Variants in NFRKB observed in about 807,000 individuals in gnomAD.
NFRKB encodes nuclear factor related to kappa-B-binding protein.
A neutral mutation model predicts 135.7 loss-of-function variants in NFRKB; 62 were observed. The ratio of observed to expected loss-of-function variants is 0.46; its 90% CI spans 0.37 to 0.56. The LOEUF is 0.56. Ranked by LOEUF, NFRKB falls within the 20% of genes least tolerant of loss-of-function variation. NFRKB has a pLI of 0.00. For missense variants in NFRKB, 1,545 were observed against 1,662.0 expected (o/e 0.93, Z 1.22); for synonymous variants, 678 against 635.6 (o/e 1.07, Z -1.00).
intron 15 of NFRKB, among the ~76,000 whole-genome samples, chr11:129,877,818 G>A (rs570335754): frequency 1.3e-5 from 2 of 152,274 alleles, no homozygotes; most frequent in South Asian, 4.1e-4. Context: ...GCCACACTTA[G>A]ACCGGGCCTC....
intron 18 of NFRKB, 131 bp from the exon 19 acceptor site, chr11:129,875,047 A>G (rs1948695804): frequency 8.7e-7 from 1 of 1,154,914 alleles, no homozygotes; most frequent in Non-Finnish European, 1.2e-6. Flanking sequence ...CTAGCTGCGT[A>G]TTCCCAATAG....
chr11:129,866,525 G>T (rs980815289), intron 24 of NFRKB, among the ~76,000 whole-genome samples: 1 of 151,068 alleles, frequency 6.6e-6, no homozygotes, highest in Non-Finnish European at 1.5e-5. Flanking sequence ...CATGCTCTCC[G>T]GTGCTTTCCA....
intron 23 of NFRKB, among the ~76,000 whole-genome samples, chr11:129,870,572 A>G (rs1438274296): frequency 1.3e-5 from 2 of 152,108 alleles, no homozygotes; most frequent in Admixed American, 6.5e-5. Flanking sequence ...TCAATAACCT[A>G]GAAAAGGACT....
chr11:129,877,517 C>T (rs1453651268), intron 15 of NFRKB, 132 bp from the exon 16 acceptor site: 4 of 821,026 alleles, frequency 4.9e-6, no homozygotes, highest in African/African-American at 3.4e-5. Flanking sequence ...CTTACAAAGG[C>T]GAAGAGCCCA....
rs143966954 is a variant in NFRKB at position 129,884,576 on chromosome 11, T to TA, written c.742+168dup. 5.7e-3 allele frequency among the ~76,000 whole-genome samples: 860 copies of TA among 152,100 alleles called. 12 individuals are homozygous for TA. The highest frequency in any genetic ancestry group is 0.02 in the African/African-American group (824 of 41,480). On this transcript the variant is annotated intron_variant, in intron 7 of 26. Transcript: ENST00000682444. Reference sequence around the variant, plus strand: ...AAAAAGGCAGGCCTATCTCCAGATGTAAAAAAAAGTAAAATGGTACAAAAA... The same window carrying TA: ...AAAAAGGCAGGCCTATCTCCAGATGTAAAAAAAAAGTAAAATGGTACAAAAA...
intron 13 of NFRKB, among the ~76,000 whole-genome samples, chr11:129,879,293 T>C (rs768249847): frequency 3.3e-5 from 5 of 152,184 alleles, no homozygotes; most frequent in Non-Finnish European, 5.9e-5. Context: ...CAGAGTAGCT[T>C]CAACTAAAGC....
intron 4 of NFRKB, among the ~76,000 whole-genome samples, chr11:129,886,920 T>C (rs1249769342): frequency 6.6e-6 from 1 of 152,232 alleles, no homozygotes; most frequent in Non-Finnish European, 1.5e-5. Context: ...AACAGATCTC[T>C]GCCAACCATA....
intron 6 of NFRKB, 61 bp from the exon 7 acceptor site, chr11:129,884,907 G>A (rs764480693): frequency 7.4e-6 from 12 of 1,612,124 alleles, no homozygotes; most frequent in Non-Finnish European, 1.0e-5. Flanking sequence ...AGGGGAGATT[G>A]GGTAAGTGGC....
chr11:129,882,019 A>G, intron 11 of NFRKB, 67 bp downstream of exon 11: 1 of 1,479,494 alleles, frequency 6.8e-7, no homozygotes, highest in Non-Finnish European at 9.1e-7. Flanking sequence ...TTCTCAAGCT[A>G]TAGACCATTC....
intron 10 of NFRKB, 70 bp downstream of exon 10, chr11:129,882,381 A>G (rs990098470): frequency 6.5e-7 from 1 of 1,530,766 alleles, no homozygotes; most frequent in African/African-American, 1.4e-5. Context: ...GACAAGCCCT[A>G]GGGGCCAGGG....
chr11:129,873,243 T>A, intron 22 of NFRKB, 147 bp from the exon 23 acceptor site: 1 of 643,342 alleles, frequency 1.6e-6, no homozygotes, highest in Non-Finnish European at 2.6e-6. Flanking sequence ...CTCTCTAAAA[T>A]GGACACTGTA....
Position 129,872,982 on chromosome 11 carries a change from C to G in NFRKB, c.2665G>C (p.Val889Leu). ...GGAGAACTCGTGGCTGGCTTACTCA[C>G]AGGGCTGGCTGTGGCAGGGAGACTT... is the stretch of plus-strand genomic sequence containing the variant. ...VTSLPATASP[V>L]SKPATSSPGT... Residue 889 changes from valine (V) to leucine (L), a missense_variant, in exon 23 of 27, where the codon GTG (valine) becomes CTG (leucine). This residue lies in a region of NFRKB where 753 missense variants were observed against 804.3 expected (regional missense o/e 0.94). Coordinates refer to ENST00000682444, the MANE Select transcript of NFRKB (RefSeq NM_001143835.2). 6.2e-7 allele frequency: 1 copy of G among 1,614,198 alleles called. No individual in the cohort carries two copies. Among genetic ancestry groups the G allele is most frequent in the Non-Finnish European group, 8.5e-7 (1 of 1,180,014 alleles).
At chr11:129,885,342 TG>T in intron 6 of NFRKB, 92 bp downstream of exon 6, 1 of 1,405,028 alleles carries the variant, frequency 7.1e-7, no homozygotes, top group Non-Finnish European at 9.7e-7. Context: ...GTTTCTTTGC[TG>T]GGGAGATAAA....
At position 129,888,764 on chromosome 11, in the gene NFRKB, G is replaced by C; in HGVS notation, c.167C>G (p.Ser56Ter). The change falls in exon 4 of 27, where the codon TCA becomes TGA. Residue 56 changes from serine (S) to a stop codon, truncating the protein, a stop_gained. Coordinates refer to ENST00000682444, the MANE Select transcript of NFRKB (RefSeq NM_001143835.2). LOFTEE classifies it high-confidence loss of function. ...PEIFFDVVSL[S>*]TWQEVLSDSQ... ...ATCACTTAACACTTCCTGCCATGTT[G>C]AGAGGCTGACAACATCAAAGAAGAT... 1 of 1,614,174 alleles carries C rather than the reference G, an allele frequency of 6.2e-7. No homozygotes were observed. The highest frequency in any genetic ancestry group is 8.5e-7 in the Non-Finnish European group (1 of 1,180,006).
Position 129,876,760 on chromosome 11 carries a change from G to A in NFRKB, c.1708C>T (p.Arg570Cys), listed in dbSNP as rs777175208. The change falls in exon 17 of 27, where the codon CGC becomes TGC. Residue 570 changes from arginine (R) to cysteine (C), a missense_variant. By Grantham distance (180) the Arg-to-Cys change is radical (BLOSUM62 -3). Coordinates refer to ENST00000682444, the MANE Select transcript of NFRKB (RefSeq NM_001143835.2). Reference protein sequence around the residue: ...LNKAREHSLLRSDRPAYVTIL... With the variant: ...LNKAREHSLLCSDRPAYVTIL... ...GTGACGTAGGCAGGCCGGTCGGAGC[G>A]CAGCAGGGAGTGCTCCCGAGCCTTG... The A allele has an allele frequency of 6.2e-6, 10 of 1,614,018 alleles. No homozygotes were observed. Among genetic ancestry groups the A allele is most frequent in the Admixed American group, 3.3e-5 (2 of 59,988 alleles).
rs774628113 is a variant in NFRKB, at chr11:129,891,087, C to T, written c.135+1628G>A. 5.9e-5 allele frequency among the ~76,000 whole-genome samples: 9 copies of T among 152,224 alleles called. No individual in the cohort carries two copies. In the South Asian group the frequency reaches 6.2e-4, roughly 11 times the overall value. On this transcript the variant is annotated intron_variant, in intron 3 of 26. Transcript: ENST00000682444. The stretch of plus-strand genomic sequence containing the variant: ...ATTAAGCATTTCCAGTGATGTTCTA[C>T]GGTTGAAAAGGTAGTGGTGACCAGA...
intron 8 of NFRKB, 145 bp from the exon 9 acceptor site, chr11:129,883,351 CA>C: frequency 1.6e-6 from 1 of 636,288 alleles, no homozygotes; most frequent in East Asian, 2.7e-5. Context: ...TAAAACTATT[CA>C]TTTTTTCCCT....
intron 13 of NFRKB, among the ~76,000 whole-genome samples, chr11:129,879,569 G>T (rs1287860672): frequency 1.3e-5 from 2 of 152,302 alleles, no homozygotes; most frequent in South Asian, 4.2e-4. Context: ...GAACTATGGA[G>T]GCAAATGACC....
intron 15 of NFRKB, among the ~76,000 whole-genome samples, chr11:129,877,809 C>T (rs1021028156): frequency 4.6e-5 from 7 of 152,144 alleles, no homozygotes; most frequent in Admixed American, 2.0e-4. Context: ...AAAAGTTCTG[C>T]CACACTTAGA....
Sources: allele counts gnomAD v4.1 joint callset (sites outside exome capture counted in the v4.1 genomes callset), GRCh38; gene constraint gnomAD v4.1.1; regional missense constraint gnomAD v4.1.1; transcripts MANE v1.5; gene names NCBI Gene and HGNC (gene_info 2026-07-23, HGNC 2026-07-21).